Variants in ECT2 observed in about 807,000 individuals in gnomAD.
ECT2 encodes protein ECT2.
ECT2 carries 61 observed loss-of-function variants against 116.9 expected under a neutral mutation model. The ratio of observed to expected loss-of-function variants is 0.52; its 90% CI spans 0.42 to 0.65. The LOEUF (loss-of-function observed/expected upper bound fraction) is 0.65, where lower values mean the gene tolerates loss of function less well. Ranked by LOEUF, ECT2 falls within the 30% of genes least tolerant of loss-of-function variation. The pLI is 0.00. For missense variants in ECT2, 937 were observed against 1,078.7 expected, an observed-to-expected ratio of 0.87 and a Z score of 1.84; for synonymous variants, 358 against 346.4, an observed-to-expected ratio of 1.03 and a Z score of -0.37.
At chr3:172,758,769 A>T (rs1717608952) in intron 5 of ECT2, among the ~76,000 whole-genome samples, 1 of 152,238 alleles carries the variant, frequency 6.6e-6, no homozygotes, top group African/African-American at 2.4e-5. Flanking sequence ...TATATTGCAT[A>T]TGATTAAGGA....
chr3:172,752,916 C>G (rs905870158), intron 1 of ECT2, among the ~76,000 whole-genome samples: 4 of 152,126 alleles, frequency 2.6e-5, no homozygotes, highest in African/African-American at 4.8e-5. Context: ...ACAGTTTAAA[C>G]TGTTACTTTG....
At chr3:172,827,193 C>T in the ECT2 span, among the ~76,000 whole-genome samples, 4 of 152,184 alleles carry the variant, frequency 2.6e-5, no homozygotes, top group Admixed American at 6.5e-5. Flanking sequence ...TGGGAATGTG[C>T]GTACAACCAC....
At chr3:172,828,929 G>A in the ECT2 span, 1 of 1,466,006 alleles carries the variant, frequency 6.8e-7, no homozygotes. Context: ...GCCAGTCCCT[G>A]AACCAGCCAC....
At chr3:172,795,205 G>A (rs1049502985) in intron 18 of ECT2, among the ~76,000 whole-genome samples, 2 of 151,772 alleles carry the variant, frequency 1.3e-5, no homozygotes, top group Non-Finnish European at 2.9e-5. Context: ...GTGTGCGCCT[G>A]TAGTTCCAGC....
At chr3:172,768,101 T>TGGACAGA (rs1215132688) in intron 12 of ECT2, among the ~76,000 whole-genome samples, 1 of 152,206 alleles carries the variant, frequency 6.6e-6, no homozygotes, top group Non-Finnish European at 1.5e-5. Flanking sequence ...CTGTACTGGT[T>TGGACAGA]GTTTTATATT....
intron 22 of ECT2, 116 bp from the exon 23 acceptor site, chr3:172,815,488 A>G (rs1729515913): frequency 1.6e-6 from 1 of 614,480 alleles, no homozygotes; most frequent in Non-Finnish European, 2.8e-6. Context: ...CAAGCACATG[A>G]AAAGTCTTGA....
chr3:172,798,996 C>T lies in ECT2; in HGVS notation c.1908-3620C>T, dbSNP rs138919355. 2.6e-3 allele frequency among the ~76,000 whole-genome samples: 397 copies of T among 152,196 alleles called. 1 individual carries two copies. The highest frequency in any genetic ancestry group is 9.1e-3 in the African/African-American group (378 of 41,528). On this transcript the variant is annotated intron_variant, in intron 18 of 24. Coordinates refer to ENST00000392692, the MANE Select transcript of ECT2 (RefSeq NM_001258315.2). ...GACTGTAAGTAAAATATAAAGTCTG[C>T]CTTGGTTTGGTTTCCTAGCCTCAAG...
chr3:172,782,294 A>G (rs1722852466), intron 15 of ECT2, 63 bp downstream of exon 15: 1 of 961,168 alleles, frequency 1.0e-6, no homozygotes, highest in East Asian at 2.7e-5. Flanking sequence ...AGGACTGGCA[A>G]GGAGTGTAAT....
At chr3:172,818,278 A>G (rs1730108826) in intron 24 of ECT2, 1 of 161,336 alleles carries the variant, frequency 6.2e-6, no homozygotes, top group South Asian at 1.6e-4. Context: ...AAATGAATAT[A>G]TGCAAAGTAG....
intron 3 of ECT2, 37 bp from the exon 4 acceptor site, chr3:172,755,446 G>T (rs773149464): frequency 6.6e-7 from 1 of 1,517,358 alleles, no homozygotes; most frequent in Non-Finnish European, 8.9e-7. Flanking sequence ...TAGTTTCATA[G>T]CTTTCTTAAC....
At position 172,762,541 on chromosome 3, in the gene ECT2, T is replaced by A; in HGVS notation, c.884T>A (p.Met295Lys). 1 of 1,591,100 alleles carries A rather than the reference T, an allele frequency of 6.3e-7. No individual in the cohort carries two copies. Among genetic ancestry groups the A allele is most frequent in the Non-Finnish European group, 8.5e-7 (1 of 1,174,546 alleles). ...ACCAATATGGAAGAAATGACTGAAA[T>A]GCAAGGTAAAATTTAGCATAATGTA... ...EKTNMEEMTE[M>K]QGGKYLPLGD... is the part of the protein sequence containing the mutation. The change falls in exon 9 of 25, where the codon ATG becomes AAG. Residue 295 changes from methionine to lysine, a missense_variant. By Grantham distance (95) the Met-to-Lys change is moderately conservative (BLOSUM62 -1). Coordinates refer to ENST00000392692, the MANE Select transcript of ECT2 (RefSeq NM_001258315.2).
At chr3:172,781,667 C>G (rs1218945189) in intron 14 of ECT2, among the ~76,000 whole-genome samples, 1 of 152,058 alleles carries the variant, frequency 6.6e-6, no homozygotes, top group Non-Finnish European at 1.5e-5. Context: ...GGTTCATGGG[C>G]CAAATCCAGC....
At position 172,759,532 on chromosome 3, in the gene ECT2, C is replaced by T. The variant is rs546012477; in HGVS notation, c.576+463C>T. ...TCTCGGCTCACTGCAAACTCCGCTT[C>T]CCAGGTTCACACCATTCTCTTGCCT... On this transcript the variant is annotated intron_variant, in intron 6 of 24. Transcript: ENST00000392692. Among the ~76,000 whole-genome samples the T allele has an allele frequency of 2.4e-3, 364 of 152,278 alleles. 2 individuals carry two copies. The highest frequency in any genetic ancestry group is 8.4e-3 in the African/African-American group (350 of 41,556).
At chr3:172,809,605 ACACACG>A (rs1728407890) in intron 22 of ECT2, among the ~76,000 whole-genome samples, 1 of 151,398 alleles carries the variant, frequency 6.6e-6, no homozygotes, top group African/African-American at 2.4e-5. Context: ...ACACGCACAC[ACACACG>A]TGAAAGATGT....
At position 172,780,138 on chromosome 3, in the gene ECT2, C is replaced by A. The variant is rs1377699500; in HGVS notation, c.1549-2025C>A. Among the ~76,000 whole-genome samples the A allele has an allele frequency of 3.3e-5, 5 of 152,104 alleles. No homozygotes were observed. The East Asian group carries it at 9.7e-4, about 29-fold the overall frequency. On this transcript the variant is annotated intron_variant, in intron 14 of 24. Transcript: ENST00000392692. Reference sequence around the variant, plus strand: ...ATATTTAATATGTTATACATTGATACTATGTATATATACATAGCATATAGA... The same window carrying A: ...ATATTTAATATGTTATACATTGATAATATGTATATATACATAGCATATAGA...
chr3:172,794,998 C>T (rs1408250100), intron 18 of ECT2, among the ~76,000 whole-genome samples: 1 of 152,160 alleles, frequency 6.6e-6, no homozygotes, highest in Non-Finnish European at 1.5e-5. Flanking sequence ...AGGCATGAGC[C>T]ACCGCACTTG....
chr3:172,773,871 A>G (rs1248915305), intron 13 of ECT2, 32 bp from the exon 14 acceptor site: 2 of 1,600,552 alleles, frequency 1.2e-6, no homozygotes, highest in South Asian at 1.1e-5. Context: ...TTTTCCCACA[A>G]TCTACTTAAA....
At chr3:172,800,897 C>A (rs998821439) in intron 18 of ECT2, among the ~76,000 whole-genome samples, 1 of 152,142 alleles carries the variant, frequency 6.6e-6, no homozygotes, top group Admixed American at 6.5e-5. Flanking sequence ...GTTACAGATA[C>A]AATCAAATCT....
chr3:172,828,847 C>A, the ECT2 span: 121 of 981,196 alleles, frequency 1.2e-4, no homozygotes, highest in East Asian at 1.6e-3. Context: ...GAGATGAGTG[C>A]CTGAGAGACG....
Sources: allele counts gnomAD v4.1 joint callset (sites outside exome capture counted in the v4.1 genomes callset), GRCh38; gene constraint gnomAD v4.1.1; transcripts MANE v1.5; gene names NCBI Gene and HGNC (gene_info 2026-07-23, HGNC 2026-07-21).